Variants in DHRSX observed in about 807,000 individuals in gnomAD.
The protein encoded by DHRSX is polyprenol dehydrogenase.
A neutral mutation model predicts 34.0 loss-of-function variants in DHRSX; 31 were observed. That is an observed-to-expected ratio of 0.91 (90% CI 0.69 to 1.23). DHRSX has a LOEUF of 1.23. Ranked by LOEUF, DHRSX falls within the 50% of genes most tolerant of loss-of-function variation. The probability of loss-of-function intolerance (pLI) is 0.00; values close to 1 mark genes in which losing one functional copy is unlikely to be tolerated. For synonymous variants in DHRSX, 201 were observed against 183.8 expected (o/e 1.09, Z -0.76); for missense variants, 414 against 428.1 (o/e 0.97, Z 0.29).
At chrX:2,304,046 T>G (rs2042058682) in intron 3 of DHRSX, among the ~76,000 whole-genome samples, 1 of 129,324 alleles carries the variant, frequency 7.7e-6, no homozygotes, top group African/African-American at 2.7e-5. Context: ...GATGGATGGA[T>G]GGATGGATGG....
chrX:2,465,809 C>CAAAA (rs375728172), intron 1 of DHRSX, among the ~76,000 whole-genome samples: 10,112 of 83,080 alleles, frequency 0.12, 378 homozygotes, highest in African/African-American at 0.18. Context: ...AACTCCATCG[C>CAAAA]AAAAAAAAAA....
chrX:2,452,769 TC>T (rs2044242745), intron 1 of DHRSX, among the ~76,000 whole-genome samples: 4 of 152,112 alleles, frequency 2.6e-5, no homozygotes, highest in Non-Finnish European at 5.9e-5. Context: ...TTGAAGACGT[TC>T]CCTAAGAATG....
chrX:2,384,673 A>G (rs2043248735), intron 3 of DHRSX, among the ~76,000 whole-genome samples: 1 of 150,930 alleles, frequency 6.6e-6, no homozygotes, highest in African/African-American at 2.4e-5. Context: ...CCACACAGGC[A>G]AGAAGCAAGC....
At chrX:2,246,750 A>AAGAAAGAAAG (rs1204935283) in intron 5 of DHRSX, among the ~76,000 whole-genome samples, 11 of 108,450 alleles carry the variant, frequency 1.0e-4, no homozygotes, top group East Asian at 7.1e-4. Context: ...GAAAGAAAGA[A>AAGAAAGAAAG]AAAGAAAGAA....
chrX:2,406,443 GT>G (rs58388477), intron 3 of DHRSX, among the ~76,000 whole-genome samples: 114,896 of 147,178 alleles, frequency 0.78, 45,763 homozygotes, highest in African/African-American at 0.94. Flanking sequence ...TTTGTTTTTT[GT>G]TTTTTTTTTT....
chrX:2,307,789 TAAA>T (rs747096554), intron 3 of DHRSX, among the ~76,000 whole-genome samples: 2,542 of 103,686 alleles, frequency 0.025, 77 homozygotes, highest in African/African-American at 0.076. Flanking sequence ...GTAATAAAAA[TAAA>T]AAAAATAAAA....
intron 4 of DHRSX, among the ~76,000 whole-genome samples, chrX:2,289,879 C>T (rs2041846451): frequency 6.6e-6 from 1 of 152,130 alleles, no homozygotes; most frequent in Non-Finnish European, 1.5e-5. Context: ...AGAAGACACA[C>T]AAAGTTAAAA....
At chrX:2,325,958 C>G (rs2042381213) in intron 3 of DHRSX, among the ~76,000 whole-genome samples, 1 of 152,190 alleles carries the variant, frequency 6.6e-6, no homozygotes, top group South Asian at 2.1e-4. Context: ...CCCCAGACAA[C>G]GTAGCCACTT....
chrX:2,443,963 A>G (rs996386736), intron 1 of DHRSX, among the ~76,000 whole-genome samples: 5 of 145,802 alleles, frequency 3.4e-5, no homozygotes, highest in African/African-American at 1.0e-4. Flanking sequence ...CTGAGATCAC[A>G]CCCTGCACTC....
rs183635772 is a variant in DHRSX, at chrX:2,346,206, C to A, written c.287-54603G>T. On this transcript the variant is annotated intron_variant, in intron 3 of 6. Coordinates refer to ENST00000334651, the MANE Select transcript of DHRSX (RefSeq NM_145177.3). ...ACTCTATGAGCAAAACCAGGCATCT[C>A]ACTCCATGGCATCTGGACACGCAGC... 1.5e-4 allele frequency among the ~76,000 whole-genome samples: 22 copies of A among 151,544 alleles called. No homozygotes were observed. The East Asian group carries it at 1.6e-3, about 11-fold the overall frequency.
At chrX:2,313,007 T>TATA (rs780687349) in intron 3 of DHRSX, among the ~76,000 whole-genome samples, 94 of 53,778 alleles carry the variant, frequency 1.7e-3, no homozygotes, top group African/African-American at 4.7e-3. Flanking sequence ...AAGATATATA[T>TATA]TTTTTTTTTT....
intron 1 of DHRSX, among the ~76,000 whole-genome samples, chrX:2,473,170 A>G (rs896276104): frequency 2.0e-5 from 3 of 152,212 alleles, no homozygotes; most frequent in African/African-American, 7.2e-5. Flanking sequence ...GAAACAAGAG[A>G]CAGGACTGTT....
At chrX:2,387,369 T>C (rs1478587796) in intron 3 of DHRSX, among the ~76,000 whole-genome samples, 4 of 152,018 alleles carry the variant, frequency 2.6e-5, no homozygotes, top group South Asian at 2.1e-4. Context: ...GAAAGGGGCA[T>C]TTATTCGGTA....
Position 2,298,614 on chromosome X carries a change from A to ACACACACACACACACG in DHRSX, c.287-7012_287-7011insCGTGTGTGTGTGTGTG, listed in dbSNP as rs1556457241. 1.6e-3 allele frequency among the ~76,000 whole-genome samples: 132 copies of ACACACACACACACACG among 83,004 alleles called. 1 individual carries two copies. The East Asian group carries it at 0.032, about 20-fold the overall frequency. The allele number at this position is 83,004 out of a possible 152,430, so 54.5% of individuals were successfully genotyped here. A position where few individuals can be genotyped will look rare whatever the true frequency, so the allele number is the denominator to read the frequency against. On this transcript the variant is annotated intron_variant, in intron 3 of 6. Transcript: ENST00000334651. ...CAGGCGCGTGTGTACACACACACAC[A>ACACACACACACACACG]CACACACACACACACACACACACGA...
At chrX:2,313,596 T>C (rs2042190245) in intron 3 of DHRSX, among the ~76,000 whole-genome samples, 1 of 152,008 alleles carries the variant, frequency 6.6e-6, no homozygotes, top group Non-Finnish European at 1.5e-5. Context: ...CTCGATCTCA[T>C]GACCTCGTGA....
intron 5 of DHRSX, among the ~76,000 whole-genome samples, chrX:2,250,011 AAGTT>A: frequency 6.6e-6 from 1 of 151,810 alleles, no homozygotes; most frequent in African/African-American, 2.4e-5. Flanking sequence ...AAAATACAAA[AAGTT>A]AGCCAGGAGT....
At chrX:2,229,620 G>A (rs1321278413) in intron 6 of DHRSX, among the ~76,000 whole-genome samples, 2 of 152,170 alleles carry the variant, frequency 1.3e-5, no homozygotes, top group East Asian at 1.9e-4. Flanking sequence ...GTGTGTACTT[G>A]TGGGTAGATG....
At chrX:2,357,291 G>A (rs1338551493) in intron 3 of DHRSX, among the ~76,000 whole-genome samples, 1 of 151,998 alleles carries the variant, frequency 6.6e-6, no homozygotes, top group Non-Finnish European at 1.5e-5. Context: ...TGTGTGAGGG[G>A]TTGGTGTCCC....
At chrX:2,353,078 C>CA (rs1023619691) in intron 3 of DHRSX, among the ~76,000 whole-genome samples, 26 of 150,522 alleles carry the variant, frequency 1.7e-4, no homozygotes, top group Admixed American at 4.0e-4. Flanking sequence ...CTCATCTTTA[C>CA]AAAAAAAAAT....
Sources: allele counts gnomAD v4.1 joint callset (sites outside exome capture counted in the v4.1 genomes callset), GRCh38; gene constraint gnomAD v4.1.1; transcripts MANE v1.5; gene names NCBI Gene and HGNC (gene_info 2026-07-23, HGNC 2026-07-21).